NR3C1: variants seen among roughly 807,000 people sequenced by gnomAD.
NR3C1 encodes glucocorticoid receptor.
Under a neutral mutation model 74.0 loss-of-function variants are expected in NR3C1, and 14 were observed. The ratio of observed to expected loss-of-function variants is 0.19; its 90% confidence interval spans 0.12 to 0.30. NR3C1 has a LOEUF of 0.30. Ranked by LOEUF, NR3C1 falls within the 10% of genes least tolerant of loss-of-function variation. The probability of loss-of-function intolerance (pLI) is 1.00; values close to 1 mark genes in which losing one functional copy is unlikely to be tolerated. For missense variants in NR3C1, 695 were observed against 909.8 expected (o/e 0.76, Z 3.04); for synonymous variants, 308 against 332.5 (o/e 0.93, Z 0.80).
intron 2 of NR3C1, among the ~76,000 whole-genome samples, chr5:143,337,409 T>G (rs1282970702): frequency 2.0e-5 from 3 of 152,214 alleles, no homozygotes; most frequent in Non-Finnish European, 4.4e-5. Context: ...TTTGGTATTA[T>G]CCAGTAAAGT....
chr5:143,425,444 C>A (rs1251401267), intron 1 of NR3C1, among the ~76,000 whole-genome samples: 3 of 152,006 alleles, frequency 2.0e-5, no homozygotes, highest in Non-Finnish European at 4.4e-5. Flanking sequence ...AAATTGTAGA[C>A]AACGTACAGA....
rs753361222 is a variant in NR3C1 at position 143,300,802 on chromosome 5, A to T, written c.1469-39T>A. ...AACAAATACATAGAAATGAACTGTA[A>T]TGGGAAGGTCTGCGCTACACAGTTT... On this transcript the variant is annotated intron_variant, in intron 4 of 8. Coordinates refer to ENST00000394464, the MANE Select transcript of NR3C1 (RefSeq NM_000176.3). This position sits in a 1 kb window ranked among gnomAD's most constrained non-coding sequence, Gnocchi z 5.2. 1 of 1,581,014 alleles carries T rather than the reference A, an allele frequency of 6.3e-7. No homozygotes were observed. Among genetic ancestry groups the T allele is most frequent in the South Asian group, 1.1e-5 (1 of 89,970 alleles).
At chr5:143,314,677 C>T (rs1561544939) in intron 2 of NR3C1, among the ~76,000 whole-genome samples, 1 of 152,056 alleles carries the variant, frequency 6.6e-6, no homozygotes, top group Non-Finnish European at 1.5e-5. Flanking sequence ...TTTTAAAATT[C>T]AATCAAGTGT....
intron 2 of NR3C1, among the ~76,000 whole-genome samples, chr5:143,346,349 G>A (rs1204094726): frequency 6.6e-6 from 1 of 152,292 alleles, no homozygotes; most frequent in South Asian, 2.1e-4. Context: ...TAGGTCCTAG[G>A]ATCTCAAACC....
rs116357096 is a variant in NR3C1 at position 143,412,925 on chromosome 5, G to T, written c.-13-12073C>A. On this transcript the variant is annotated intron_variant, in intron 1 of 8. Transcript: ENST00000343796. Reference sequence around the variant, plus strand: ...CTGATGATTAGCTATTTTAGGCATGGTTTCAATCAATCAGGGAATGTTTAT... The same window carrying T: ...CTGATGATTAGCTATTTTAGGCATGTTTTCAATCAATCAGGGAATGTTTAT... Among the ~76,000 whole-genome samples the T allele has an allele frequency of 4.5e-3, 682 of 152,236 alleles. 4 individuals are homozygous for T. Among genetic ancestry groups the T allele is most frequent in the African/African-American group, 0.016 (650 of 41,522 alleles).
chr5:143,340,476 ATTTTTTTTTT>A (rs3074500), intron 2 of NR3C1, among the ~76,000 whole-genome samples: 1 of 89,146 alleles, frequency 1.1e-5, no homozygotes, highest in Admixed American at 1.4e-4. Flanking sequence ...TTTAAAGATG[ATTTTTTTTTT>A]TTTTTTTTTT....
rs1185449091 is a variant in NR3C1, at chr5:143,278,899, T to G, written c.*2990A>C. ...ACACAAATCATGTTAGTTTTCCTTT[T>G]GGGGTGGCCAAGGTTTCCTCCCATA... On this transcript the variant is annotated 3_prime_UTR_variant, in exon 9 of 9. Transcript: ENST00000394464. 1 of 156,878 alleles carries G rather than the reference T, an allele frequency of 6.4e-6. No individual in the cohort carries two copies. Among genetic ancestry groups the G allele is most frequent in the African/African-American group, 2.4e-5 (1 of 41,452 alleles). 9.7% of individuals were successfully genotyped at this position (156,878 alleles called of 1,614,324 possible). A position where few individuals can be genotyped will look rare whatever the true frequency, so the allele number is the denominator to read the frequency against.
At chr5:143,365,562 C>T (rs1833042664) in intron 2 of NR3C1, among the ~76,000 whole-genome samples, 1 of 152,076 alleles carries the variant, frequency 6.6e-6, no homozygotes. Flanking sequence ...ATAAACAATT[C>T]AGCAATATTA....
chr5:143,299,169 A>G (rs1262963322), intron 5 of NR3C1, among the ~76,000 whole-genome samples: 1 of 151,918 alleles, frequency 6.6e-6, no homozygotes, highest in Non-Finnish European at 1.5e-5. Context: ...TCATACCACC[A>G]TGCCCGGCTA....
At chr5:143,365,937 G>A (rs79713793) in intron 2 of NR3C1, among the ~76,000 whole-genome samples, 3,597 of 152,236 alleles carry the variant, frequency 0.024, 61 homozygotes, top group Non-Finnish European at 0.035. Context: ...ATGGAAATCA[G>A]AAGACTATAC....
In NR3C1 at chr5:143,402,792, A is replaced by C. The variant is rs1265805765; in HGVS notation, c.-14+419T>G. The C allele has an allele frequency of 4.1e-6, 4 of 985,310 alleles. No individual in the cohort carries two copies. The Admixed American group carries it at 2.5e-4, about 61-fold the overall frequency. 61.0% of individuals were successfully genotyped at this position (985,310 alleles called of 1,614,324 possible). A position where few individuals can be genotyped will look rare whatever the true frequency, so the allele number is the denominator to read the frequency against. On this transcript the variant is annotated intron_variant, in intron 1 of 8. Coordinates refer to ENST00000394464, the MANE Select transcript of NR3C1 (RefSeq NM_000176.3). ...GCTCGGGCGCGCCGGGGTGGCGTGC[A>C]AATATTCGGGCGAGTAAAATTCAGA...
At chr5:143,301,325 A>G (rs548020398) in intron 4 of NR3C1, among the ~76,000 whole-genome samples, 1 of 152,324 alleles carries the variant, frequency 6.6e-6, no homozygotes, top group South Asian at 2.1e-4. Context: ...AAATAGTATT[A>G]GTTCTACCAG....
upstream of NR3C1, among the ~76,000 whole-genome samples, chr5:143,408,275 T>G (rs548500055): frequency 2.4e-4 from 36 of 152,328 alleles, no homozygotes; most frequent in African/African-American, 8.4e-4. Flanking sequence ...TAACTCTCTG[T>G]GCCTTTTTCC....
intron 1 of NR3C1, among the ~76,000 whole-genome samples, chr5:143,410,670 G>A (rs1841261023): frequency 6.6e-6 from 1 of 152,194 alleles, no homozygotes; most frequent in African/African-American, 2.4e-5. Flanking sequence ...CACACAGGAA[G>A]TAATGTAGGC....
intron 3 of NR3C1, 110 bp from the exon 4 acceptor site, chr5:143,310,323 AT>A (rs1472326411): frequency 5.0e-6 from 4 of 792,132 alleles, no homozygotes; most frequent in South Asian, 1.4e-5. Context: ...ACCCACAGGT[AT>A]TGCCTTGAGG....
intron 1 of NR3C1, among the ~76,000 whole-genome samples, chr5:143,422,161 T>G (rs1323964041): frequency 6.6e-6 from 1 of 152,180 alleles, no homozygotes; most frequent in African/African-American, 2.4e-5. Flanking sequence ...TTACCTTCCA[T>G]AGAGTTTTAT....
chr5:143,434,991 T>G, exon 1 of NR3C1: 1 of 985,072 alleles, frequency 1.0e-6, no homozygotes. Flanking sequence ...ACAGTGACTC[T>G]CCTAATTATG....
intron 2 of NR3C1, among the ~76,000 whole-genome samples, chr5:143,381,987 A>G (rs1381648455): frequency 6.6e-6 from 1 of 152,200 alleles, no homozygotes; most frequent in Non-Finnish European, 1.5e-5. Context: ...AGCAACCCAC[A>G]AAATGGAAGA....
intron 2 of NR3C1, among the ~76,000 whole-genome samples, chr5:143,361,956 G>A (rs1832334411): frequency 6.6e-6 from 1 of 152,184 alleles, no homozygotes; most frequent in South Asian, 2.1e-4. Flanking sequence ...CAAAATCAAA[G>A]GGGAGTAACA....
Sources: gnomAD v4.1 joint callset for allele counts (sites outside exome capture counted in the v4.1 genomes callset) on GRCh38, gnomAD v4.1.1 for gene constraint, Gnocchi (gnomAD v3.1) non-coding constraint, MANE v1.5 for transcripts, NCBI Gene and HGNC (gene_info 2026-07-23, HGNC 2026-07-21) for gene names.